MOV10L1: variants seen among roughly 807,000 people sequenced by gnomAD.
MOV10L1 encodes Mov10 like RNA helicase 1.
MOV10L1 carries 110 observed loss-of-function variants against 143.8 expected under a neutral mutation model. The ratio of observed to expected loss-of-function variants is 0.76; its 90% confidence interval spans 0.66 to 0.90. MOV10L1 has a LOEUF of 0.90. Among genes scored for constraint, MOV10L1 ranks in the 40% least tolerant of loss-of-function variants. The probability of loss-of-function intolerance (pLI) is 0.00; values close to 1 mark genes in which losing one functional copy is unlikely to be tolerated. For synonymous variants in MOV10L1, 593 were observed against 581.1 expected (o/e 1.02, Z -0.29); for missense variants, 1,406 against 1,526.8 (o/e 0.92, Z 1.32).
At chr22:50,092,289 G>A in intron 2 of MOV10L1, 104 bp downstream of exon 2, 2 of 1,021,128 alleles carry the variant, frequency 2.0e-6, no homozygotes, top group East Asian at 5.0e-5. Flanking sequence ...AAGGGAGAAA[G>A]AGTGGAATGT....
chr22:50,154,623 C>G (rs925659061), intron 22 of MOV10L1, among the ~76,000 whole-genome samples: 2 of 152,154 alleles, frequency 1.3e-5, no homozygotes, highest in Non-Finnish European at 2.9e-5. Context: ...CTCAGCAGCT[C>G]TGTGTCCTGG....
chr22:50,125,447 A>C lies in MOV10L1; in HGVS notation c.1625A>C (p.Glu542Ala). 6.2e-7 allele frequency: 1 copy of C among 1,614,208 alleles called. No individual in the cohort carries two copies. The highest frequency in any genetic ancestry group is 8.5e-7 in the Non-Finnish European group (1 of 1,180,036). The change falls in exon 11 of 27, where the codon GAG becomes GCG. Residue 542 changes from glutamate to alanine, a missense_variant. By Grantham distance (107) the Glu-to-Ala change is moderately radical. Coordinates refer to ENST00000262794, the MANE Select transcript of MOV10L1 (RefSeq NM_018995.3). ...EKFSTLLWLE[E>A]IYAEMELKEY... The stretch of plus-strand genomic sequence containing the variant: ...TTTTCGACTTTGCTGTGGCTTGAGG[A>C]GATTTATGCAGAAATGGAACTGAAA...
chr22:50,115,190 T>TG lies in MOV10L1; in HGVS notation c.1209dup (p.Leu404AlafsTer15). 6.4e-7 allele frequency: 1 copy of TG among 1,558,920 alleles called. No individual in the cohort carries two copies. Among genetic ancestry groups the TG allele is most frequent in the South Asian group, 1.2e-5 (1 of 81,326 alleles). On this transcript the variant is annotated frameshift_variant, in exon 8 of 27. Transcript: ENST00000262794. LOFTEE classifies it high-confidence loss of function. ...GGAAGCAGATGACAGAGCCTGAGCC[T>TG]GGGGGGCTTGTCCCTCCAGGGGGAA...
At chr22:50,121,640 C>A (rs2062349164) in intron 10 of MOV10L1, among the ~76,000 whole-genome samples, 2 of 152,214 alleles carry the variant, frequency 1.3e-5, no homozygotes, top group Non-Finnish European at 2.9e-5. Context: ...GTCCCCCAGT[C>A]ACTTTGAGTT....
intron 15 of MOV10L1, among the ~76,000 whole-genome samples, chr22:50,135,865 A>T (rs2062811365): frequency 6.6e-6 from 1 of 152,056 alleles, no homozygotes; most frequent in Non-Finnish European, 1.5e-5. Context: ...AATACAATAG[A>T]AGTGGTTTTA....
At chr22:50,131,689 C>T (rs1602265350) in intron 13 of MOV10L1, among the ~76,000 whole-genome samples, 1 of 151,738 alleles carries the variant, frequency 6.6e-6, no homozygotes, top group Admixed American at 6.6e-5. Context: ...AAAAAACTGC[C>T]CTTTCTCCAA....
At position 50,160,162 on chromosome 22, in the gene MOV10L1, A is replaced by C. The variant is rs142337645; in HGVS notation, c.3324+377A>C. Reference sequence around the variant, plus strand: ...GCAAGCGTGAGGGCTCCCTGTCTGCAGATGGAGTGCCGATGAGACCCACCC... The same window carrying C: ...GCAAGCGTGAGGGCTCCCTGTCTGCCGATGGAGTGCCGATGAGACCCACCC... On this transcript the variant is annotated intron_variant, in intron 24 of 26. Coordinates refer to ENST00000262794, the MANE Select transcript of MOV10L1 (RefSeq NM_018995.3). 2.1e-3 allele frequency among the ~76,000 whole-genome samples: 313 copies of C among 151,906 alleles called. 1 individual carries two copies. Among genetic ancestry groups the C allele is most frequent in the African/African-American group, 7.4e-3 (308 of 41,418 alleles).
chr22:50,142,289 T>C (rs1348819328), intron 16 of MOV10L1, 100 bp downstream of exon 16: 6 of 879,634 alleles, frequency 6.8e-6, no homozygotes, highest in Non-Finnish European at 8.4e-6. Flanking sequence ...GGAAGAACAG[T>C]AGGGGGCGTG....
intron 5 of MOV10L1, among the ~76,000 whole-genome samples, chr22:50,113,429 TC>T (rs930743504): frequency 2.8e-4 from 42 of 152,290 alleles, no homozygotes; most frequent in African/African-American, 8.4e-4. Context: ...CCTGTGGCTG[TC>T]CCCTGGGCTG....
At chr22:50,115,394 G>A (rs1433522811) in intron 8 of MOV10L1, 148 bp downstream of exon 8, 25 of 904,650 alleles carry the variant, frequency 2.8e-5, no homozygotes, top group South Asian at 2.4e-4. Context: ...GCGAAACCCC[G>A]CCTCTACTAA....
chr22:50,109,538 A>T (rs1232151126), intron 5 of MOV10L1: 1 of 152,952 alleles, frequency 6.5e-6, no homozygotes, highest in African/African-American at 2.4e-5. Context: ...GGGCGTGGTG[A>T]CGGGCACCTG....
intron 2 of MOV10L1, chr22:50,094,393 C>G (rs1039519888): frequency 7.0e-6 from 1 of 142,450 alleles, no homozygotes; most frequent in Middle Eastern, 3.6e-3. Context: ...TATGGGAAAG[C>G]TTTCAATTTT....
At position 50,114,369 on chromosome 22, in the gene MOV10L1, G is replaced by GT; in HGVS notation, c.885-11dup. ...ATCCTGGCTGTGTTCATAGTTAATTGTATTTTTCCAGGAATAAAGGAGACA... is the reference window on the plus strand; with the variant it reads ...ATCCTGGCTGTGTTCATAGTTAATTGTTATTTTTCCAGGAATAAAGGAGACA... On this transcript the variant is annotated splice_polypyrimidine_tract_variant and intron_variant, in intron 6 of 26. Transcript: ENST00000262794. The GT allele has an allele frequency of 6.2e-7, 1 of 1,611,302 alleles. No individual in the cohort carries two copies. Among genetic ancestry groups the GT allele is most frequent in the Non-Finnish European group, 8.5e-7 (1 of 1,178,170 alleles).
At position 50,159,461 on chromosome 22, in the gene MOV10L1, G is replaced by T. The variant is rs2063502462; in HGVS notation, c.3217-217G>T. ...CTAAAAAATACAAAAAATTACCCGG[G>T]TGTGGTGGCATGCACCCATAATCCC... On this transcript the variant is annotated intron_variant, in intron 23 of 26. Coordinates refer to ENST00000262794, the MANE Select transcript of MOV10L1 (RefSeq NM_018995.3). The surrounding 1 kb of genome is among the most constrained non-coding windows in gnomAD (Gnocchi z 4.1). Among the ~76,000 whole-genome samples, 1 of 152,188 alleles carries T rather than the reference G, an allele frequency of 6.6e-6. No homozygotes were observed. The highest frequency in any genetic ancestry group is 1.9e-4 in the East Asian group (1 of 5,168).
chr22:50,098,073 G>A (rs866340706), intron 2 of MOV10L1, among the ~76,000 whole-genome samples: 4 of 152,184 alleles, frequency 2.6e-5, no homozygotes, highest in African/African-American at 9.6e-5. Context: ...CTGACCTCAA[G>A]TGATCCACCT....
At position 50,159,596 on chromosome 22, in the gene MOV10L1, C is replaced by G. The variant is rs1296408134; in HGVS notation, c.3217-82C>G. ...CAGCCTGGGTGACAGAGTAATACTC[C>G]ATCTCAAAAAAAAAAAAGGAAAAGA... On this transcript the variant is annotated intron_variant, in intron 23 of 26. Transcript: ENST00000262794. The surrounding 1 kb of genome is among the most constrained non-coding windows in gnomAD (Gnocchi z 4.1). The G allele has an allele frequency of 1.1e-6, 1 of 889,966 alleles. No individual in the cohort carries two copies. The highest frequency in any genetic ancestry group is 1.8e-5 in the African/African-American group (1 of 55,336). The allele number at this position is 889,966 out of a possible 1,614,324, so 55.1% of individuals were successfully genotyped here.
At chr22:50,100,629 T>A (rs1037048622) in intron 3 of MOV10L1, among the ~76,000 whole-genome samples, 2 of 152,292 alleles carry the variant, frequency 1.3e-5, no homozygotes, top group Admixed American at 1.3e-4. Context: ...TTCTCCTGCC[T>A]CAGCCTCCTG....
In MOV10L1 at chr22:50,161,349, G is replaced by C; in HGVS notation, c.3555-19G>C. 6.4e-7 allele frequency: 1 copy of C among 1,553,710 alleles called. No individual in the cohort carries two copies. The highest frequency in any genetic ancestry group is 8.7e-7 in the Non-Finnish European group (1 of 1,148,648). ...TGGGAGCCTGGCTCACTGGCCATCC[G>C]CTTCTCCTCTGTCTACAGCTGTGGC... On this transcript the variant is annotated intron_variant, in intron 26 of 26. Coordinates refer to ENST00000262794, the MANE Select transcript of MOV10L1 (RefSeq NM_018995.3).
chr22:50,134,164 T>G (rs2062756209), intron 14 of MOV10L1, 99 bp downstream of exon 14: 2 of 916,928 alleles, frequency 2.2e-6, no homozygotes, highest in Admixed American at 6.7e-5. Context: ...GTCATAATAT[T>G]AGAAGTAAAA....
Sources: allele counts gnomAD v4.1 joint callset (sites outside exome capture counted in the v4.1 genomes callset), GRCh38; gene constraint gnomAD v4.1.1; non-coding constraint Gnocchi (gnomAD v3.1); transcripts MANE v1.5; gene names NCBI Gene and HGNC (gene_info 2026-07-23, HGNC 2026-07-21).